ATAD3A: variants seen among roughly 807,000 people sequenced by gnomAD.
The protein encoded by ATAD3A is ATPase family AAA domain-containing protein 3A.
In ATAD3A, 46 loss-of-function variants were observed where a neutral mutation model predicts 73.8. That is an observed-to-expected ratio of 0.62 (90% CI 0.49 to 0.80). The LOEUF (loss-of-function observed/expected upper bound fraction) is 0.80. ATAD3A is among the 30% of genes least tolerant of loss of function. ATAD3A has a pLI of 0.00. For missense variants in ATAD3A, 705 were observed against 838.0 expected, an observed-to-expected ratio of 0.84 and a Z score of 1.96; for synonymous variants, 319 against 350.0, an observed-to-expected ratio of 0.91 and a Z score of 0.99.
chr1:1,520,352 G>A lies in ATAD3A; in HGVS notation c.680+46G>A. ...GGCCGGCCACAGATGGAGCCCCGCA[G>A]GTGTGAGTCGCTGGTCCCAGGGCGC... On this transcript the variant is annotated intron_variant, in intron 6 of 15. Coordinates refer to ENST00000378756, the MANE Select transcript of ATAD3A (RefSeq NM_001170535.3). This position sits in a 1 kb window ranked among gnomAD's most constrained non-coding sequence, Gnocchi z 4.0. 1 of 1,602,216 alleles carries A rather than the reference G, an allele frequency of 6.2e-7. No individual in the cohort carries two copies. Among genetic ancestry groups the A allele is most frequent in the Non-Finnish European group, 8.5e-7 (1 of 1,171,708 alleles).
intron 12 of ATAD3A, among the ~76,000 whole-genome samples, chr1:1,525,841 G>T (rs1200851136): frequency 1.3e-5 from 2 of 152,146 alleles, no homozygotes; most frequent in Non-Finnish European, 2.9e-5. Flanking sequence ...GAGTAGCTGG[G>T]ACTGCAGGGG....
At chr1:1,524,445 A>G in intron 11 of ATAD3A, 48 bp downstream of exon 11, 2 of 1,537,104 alleles carry the variant, frequency 1.3e-6, no homozygotes, top group Non-Finnish European at 8.8e-7. Context: ...GCGGCCCAGC[A>G]GGCTGCCTTC....
chr1:1,525,179 C>T (rs376544187), intron 11 of ATAD3A, 61 bp from the exon 12 acceptor site: 150 of 1,609,300 alleles, frequency 9.3e-5, no homozygotes, highest in Middle Eastern at 2.0e-4. Flanking sequence ...CGCGGCCGGA[C>T]GCTGCTGTGG....
Position 1,524,323 on chromosome 1 carries a change from C to T in ATAD3A, c.1140C>T (p.Asp380=), listed in dbSNP as rs767298500. ...ACTACGCCATCATGACAGGCGGGGA[C>T]GTGGCCCCCATGGGGCGGGAAGGCG... ...GMDYAIMTGG[D]VAPMGREGVT... Residue 380 remains aspartate, a synonymous_variant, in exon 11 of 16, where the codon GAC becomes GAT. Coordinates refer to ENST00000378756, the MANE Select transcript of ATAD3A (RefSeq NM_001170535.3). 10 of 1,613,206 alleles carry T rather than the reference C, an allele frequency of 6.2e-6. No individual in the cohort carries two copies. Among genetic ancestry groups the T allele is most frequent in the Admixed American group, 3.3e-5 (2 of 59,968 alleles).
At chr1:1,529,545 C>T (rs145045460) in intron 15 of ATAD3A, among the ~76,000 whole-genome samples, 2 of 152,220 alleles carry the variant, frequency 1.3e-5, no homozygotes, top group African/African-American at 2.4e-5. Flanking sequence ...GGAGCCATGT[C>T]GGTGGCTGAC....
intron 7 of ATAD3A, 65 bp from the exon 8 acceptor site, chr1:1,522,679 C>T (rs1641642624): frequency 1.0e-5 from 16 of 1,597,264 alleles, no homozygotes; most frequent in South Asian, 7.8e-5. Flanking sequence ...CAGCCCCGTG[C>T]GTCTCCTGCT....
chr1:1,531,151 C>T (rs1184181500), intron 15 of ATAD3A, among the ~76,000 whole-genome samples: 1 of 151,758 alleles, frequency 6.6e-6, no homozygotes, highest in African/African-American at 2.4e-5. Context: ...GCGTGAGACT[C>T]CATCTTAAAA....
intron 15 of ATAD3A, 77 bp downstream of exon 15, chr1:1,529,408 C>G (rs1212381989): frequency 1.3e-6 from 2 of 1,503,592 alleles, no homozygotes; most frequent in African/African-American, 1.4e-5. Flanking sequence ...CAGGCCTGTC[C>G]CAGCACCGGT....
rs1641562256 is a variant in ATAD3A at position 1,520,732 on chromosome 1, C to T, written c.750+115C>T. 1.3e-6 allele frequency: 2 copies of T among 1,524,510 alleles called. No homozygotes were observed. Among genetic ancestry groups the T allele is most frequent in the East Asian group, 4.6e-5 (2 of 43,188 alleles). The allele number at this position is 1,524,510 out of a possible 1,614,324, so 94.4% of individuals were successfully genotyped here. On this transcript the variant is annotated intron_variant, in intron 7 of 15. Transcript: ENST00000378756. This position sits in a 1 kb window ranked among gnomAD's most constrained non-coding sequence, Gnocchi z 4.0. ...CTGCACAGCCCTGTAGCTCTCCCAG[C>T]AGGGAGGAAGCCCACGTTGTACCTG...
intron 14 of ATAD3A, 95 bp downstream of exon 14, chr1:1,527,957 C>T (rs9439443): frequency 0.048 from 58,802 of 1,213,130 alleles, 4,478 homozygotes; most frequent in African/African-American, 0.34. Context: ...CTTTAACATT[C>T]CTTTTTTTTT....
At chr1:1,526,883 G>A (rs1641865746) in intron 13 of ATAD3A, among the ~76,000 whole-genome samples, 1 of 152,152 alleles carries the variant, frequency 6.6e-6, no homozygotes, top group African/African-American at 2.4e-5. Flanking sequence ...CTTGGAGGGT[G>A]TGTGTGCCCT....
In ATAD3A at chr1:1,534,180, G is replaced by A. The variant is rs995689601; in HGVS notation, c.*108G>A. The stretch of plus-strand genomic sequence containing the variant: ...TATGCTCCTGGGTGGGGACTGGGCT[G>A]TGCCCAGGGCCTCTGTCCCCCAGGA... On this transcript the variant is annotated 3_prime_UTR_variant, in exon 16 of 16. Coordinates refer to ENST00000378756, the MANE Select transcript of ATAD3A (RefSeq NM_001170535.3). The A allele has an allele frequency of 6.3e-6, 10 of 1,581,952 alleles. No homozygotes were observed. The East Asian group carries it at 9.6e-5, about 15-fold the overall frequency.
chr1:1,514,629 CTCTG>C (rs2100642719), intron 1 of ATAD3A, among the ~76,000 whole-genome samples: 1 of 152,366 alleles, frequency 6.6e-6, no homozygotes, highest in South Asian at 2.1e-4. Context: ...GCGTCGCTGC[CTCTG>C]TCTAAATGCA....
intron 1 of ATAD3A, among the ~76,000 whole-genome samples, chr1:1,514,663 C>G (rs1641298591): frequency 1.3e-5 from 2 of 152,220 alleles, no homozygotes; most frequent in African/African-American, 4.8e-5. Context: ...CCCCACGGCA[C>G]TTCCCCCTGC....
At chr1:1,529,508 C>T (rs1416217964) in intron 15 of ATAD3A, among the ~76,000 whole-genome samples, 177 bp downstream of exon 15, 3 of 152,250 alleles carry the variant, frequency 2.0e-5, no homozygotes, top group Non-Finnish European at 4.4e-5. Flanking sequence ...CGAGGCATCG[C>T]GCACCTGCTC....
rs1031789545 is a variant in ATAD3A at position 1,523,424 on chromosome 1, G to A, written c.907-87G>A. On this transcript the variant is annotated intron_variant, in intron 8 of 15. Transcript: ENST00000378756. This position sits in a 1 kb window ranked among gnomAD's most constrained non-coding sequence, Gnocchi z 5.1. ...TGCTTTGGGGCAGCTCCGTTTCTGC[G>A]TGTTACCGAGCGTGTGTGTGCGCGT... The A allele has an allele frequency of 2.2e-5, 34 of 1,548,266 alleles. No homozygotes were observed. The highest frequency in any genetic ancestry group is 4.3e-4 in the Middle Eastern group (2 of 4,640).
rs1392802606 is a variant in ATAD3A at position 1,523,088 on chromosome 1, C to T, written c.906+189C>T. ...AGGGGTCTGCATCAGTGAGACCCTT[C>T]CCCTGTCTGCCTCGGTGTCCCCTGC... On this transcript the variant is annotated intron_variant, in intron 8 of 15. Coordinates refer to ENST00000378756, the MANE Select transcript of ATAD3A (RefSeq NM_001170535.3). This position sits in a 1 kb window ranked among gnomAD's most constrained non-coding sequence, Gnocchi z 5.1. Among the ~76,000 whole-genome samples the T allele has an allele frequency of 6.6e-6, 1 of 151,946 alleles. No homozygotes were observed. Among genetic ancestry groups the T allele is most frequent in the Non-Finnish European group, 1.5e-5 (1 of 68,022 alleles).
chr1:1,527,686 G>T lies in ATAD3A; in HGVS notation c.1338-9G>T, dbSNP rs775388406. On this transcript the variant is annotated splice_polypyrimidine_tract_variant and intron_variant, in intron 13 of 15. Coordinates refer to ENST00000378756, the MANE Select transcript of ATAD3A (RefSeq NM_001170535.3). ...CCCCAGCATCCTCATCCTCATCCCC[G>T]CCCCGCAGGTTCATGCTGGTCCTGG... is the stretch of plus-strand genomic sequence containing the variant. The T allele has an allele frequency of 3.7e-6, 6 of 1,604,706 alleles. No homozygotes were observed. The highest frequency in any genetic ancestry group is 5.1e-6 in the Non-Finnish European group (6 of 1,174,446).
At chr1:1,513,704 C>G (rs1298612241) in intron 1 of ATAD3A, among the ~76,000 whole-genome samples, 1 of 152,104 alleles carries the variant, frequency 6.6e-6, no homozygotes, top group African/African-American at 2.4e-5. Context: ...TGCCCCCTTT[C>G]CCCGGGTGCC....
Sources: gnomAD v4.1 joint callset for allele counts (sites outside exome capture counted in the v4.1 genomes callset) on GRCh38, gnomAD v4.1.1 for gene constraint, Gnocchi (gnomAD v3.1) non-coding constraint, MANE v1.5 for transcripts, NCBI Gene and HGNC (gene_info 2026-07-23, HGNC 2026-07-21) for gene names.